The following GRM3 variants were observed in gnomAD, a reference collection of about 807,000 sequenced individuals.
GRM3 encodes metabotropic glutamate receptor 3.
In GRM3, 26 loss-of-function variants were observed where a neutral mutation model predicts 70.5. The observed-to-expected ratio is 0.37, with a 90% confidence interval of 0.27 to 0.51. GRM3 has a LOEUF of 0.51. Ranked by LOEUF, GRM3 falls within the 20% of genes least tolerant of loss-of-function variation. GRM3 has a pLI of 0.93. For missense variants in GRM3, 859 were observed against 1,123.8 expected (o/e 0.76, Z 3.37); for synonymous variants, 443 against 434.9 (o/e 1.02, Z -0.23).
At chr7:86,823,926 A>C (rs943286241) in intron 3 of GRM3, among the ~76,000 whole-genome samples, 8 of 152,148 alleles carry the variant, frequency 5.3e-5, no homozygotes, top group African/African-American at 1.9e-4. Context: ...CTTATGTATG[A>C]GCAGTGAATG....
intron 1 of GRM3, among the ~76,000 whole-genome samples, chr7:86,655,654 T>TA (rs1378790050): frequency 2.0e-5 from 3 of 152,108 alleles, no homozygotes; most frequent in Non-Finnish European, 4.4e-5. Flanking sequence ...AAAGTAAGCT[T>TA]AAAAGTCTTA....
In GRM3 at chr7:86,644,884, A is replaced by G. The variant is rs1337045037; in HGVS notation, c.-141+12A>G. The G allele has an allele frequency of 2.4e-6, 3 of 1,272,262 alleles. No homozygotes were observed. Among genetic ancestry groups the G allele is most frequent in the South Asian group, 2.5e-5 (2 of 80,632 alleles). The allele number at this position is 1,272,262 out of a possible 1,614,324, so 78.8% of individuals were successfully genotyped here. A position where few individuals can be genotyped will look rare whatever the true frequency, so the allele number is the denominator to read the frequency against. Reference sequence around the variant, plus strand: ...GTTGTCGGTGCGAGGTAAGGGTCCCAGAGGAGGACGTGTCCCTCTGGAGGG... The same window carrying G: ...GTTGTCGGTGCGAGGTAAGGGTCCCGGAGGAGGACGTGTCCCTCTGGAGGG... On this transcript the variant is annotated intron_variant, in intron 1 of 5. Transcript: ENST00000361669.
intron 3 of GRM3, among the ~76,000 whole-genome samples, chr7:86,810,330 AC>A (rs1463666615): frequency 1.3e-5 from 2 of 152,008 alleles, no homozygotes; most frequent in Non-Finnish European, 1.5e-5. Flanking sequence ...GCAAGCACAA[AC>A]TTTTTAAGAA....
chr7:86,851,499 T>C (rs1180749616), intron 5 of GRM3, among the ~76,000 whole-genome samples: 1 of 152,104 alleles, frequency 6.6e-6, no homozygotes, highest in Non-Finnish European at 1.5e-5. Context: ...ACTGGAACCA[T>C]GAGAGGGGAA....
At chr7:86,645,431 C>T (rs1032162561) in intron 1 of GRM3, among the ~76,000 whole-genome samples, 10 of 152,154 alleles carry the variant, frequency 6.6e-5, no homozygotes, top group Admixed American at 3.9e-4. Flanking sequence ...GCCCTTTGCT[C>T]CTTTTGGCTT....
chr7:86,687,678 C>G (rs1222591834), intron 1 of GRM3, among the ~76,000 whole-genome samples: 4 of 151,622 alleles, frequency 2.6e-5, no homozygotes, highest in Non-Finnish European at 5.9e-5. Context: ...CTTTAGGAAA[C>G]AGTGGAAAAG....
chr7:86,685,862 A>G (rs1562825286), intron 1 of GRM3, among the ~76,000 whole-genome samples: 1 of 147,296 alleles, frequency 6.8e-6, no homozygotes, highest in African/African-American at 2.5e-5. Context: ...CCGAGATCGC[A>G]CCACTGCACT....
intron 3 of GRM3, 143 bp from the exon 4 acceptor site, chr7:86,838,696 C>T (rs760084274): frequency 3.4e-5 from 21 of 609,002 alleles, no homozygotes; most frequent in Non-Finnish European, 6.0e-5. Context: ...TGAAGTGTAA[C>T]TTTCAATGGT....
intron 1 of GRM3, among the ~76,000 whole-genome samples, chr7:86,652,346 T>A (rs1036262968): frequency 1.3e-5 from 2 of 152,202 alleles, no homozygotes; most frequent in Non-Finnish European, 2.9e-5. Context: ...TTGTTCTTTT[T>A]TTGAGATGGA....
intron 1 of GRM3, among the ~76,000 whole-genome samples, chr7:86,702,321 T>G (rs1794962613): frequency 6.6e-6 from 1 of 152,050 alleles, no homozygotes; most frequent in Non-Finnish European, 1.5e-5. Flanking sequence ...GGCTGGTTAG[T>G]CCTGCATCTC....
At chr7:86,718,193 A>G (rs1189043664) in intron 1 of GRM3, among the ~76,000 whole-genome samples, 1 of 152,002 alleles carries the variant, frequency 6.6e-6, no homozygotes, top group Non-Finnish European at 1.5e-5. Context: ...TGACCTTAAG[A>G]TATTATTTCA....
chr7:86,723,297 T>C (rs1795517116), intron 1 of GRM3, among the ~76,000 whole-genome samples: 1 of 152,052 alleles, frequency 6.6e-6, no homozygotes, highest in Non-Finnish European at 1.5e-5. Context: ...ATGACACCTG[T>C]GAGAAAAGGT....
intron 3 of GRM3, among the ~76,000 whole-genome samples, chr7:86,794,283 G>A (rs1177412159): frequency 6.6e-6 from 1 of 152,046 alleles, no homozygotes; most frequent in Non-Finnish European, 1.5e-5. Context: ...ACACTGAGAA[G>A]CCAACATACA....
At chr7:86,687,524 A>T (rs1423253615) in intron 1 of GRM3, among the ~76,000 whole-genome samples, 1 of 151,942 alleles carries the variant, frequency 6.6e-6, no homozygotes, top group African/African-American at 2.4e-5. Flanking sequence ...ACAAGTAAAA[A>T]TATTTCTCAG....
chr7:86,773,914 G>A (rs559080185), intron 2 of GRM3, among the ~76,000 whole-genome samples: 13 of 152,120 alleles, frequency 8.5e-5, no homozygotes, highest in African/African-American at 1.7e-4. Flanking sequence ...AGAAGTTGCC[G>A]TCAGGACCAC....
At chr7:86,716,030 T>C (rs1795306204) in intron 1 of GRM3, among the ~76,000 whole-genome samples, 1 of 151,986 alleles carries the variant, frequency 6.6e-6, no homozygotes, top group African/African-American at 2.4e-5. Flanking sequence ...CTTTTCATCC[T>C]CAAAGCTCTG....
At chr7:86,780,123 T>C (rs188571968) in intron 2 of GRM3, among the ~76,000 whole-genome samples, 20 of 152,304 alleles carry the variant, frequency 1.3e-4, no homozygotes, top group African/African-American at 4.6e-4. Flanking sequence ...CAGTCTATCA[T>C]TGTTGGACAT....
In GRM3 at chr7:86,650,777, G is replaced by C. The variant is rs570653560; in HGVS notation, c.-141+5905G>C. Among the ~76,000 whole-genome samples, 5 of 152,302 alleles carry C rather than the reference G, an allele frequency of 3.3e-5. No homozygotes were observed. The South Asian group carries it at 8.3e-4, about 25-fold the overall frequency. On this transcript the variant is annotated intron_variant, in intron 1 of 5. Coordinates refer to ENST00000361669, the MANE Select transcript of GRM3 (RefSeq NM_000840.3). Reference sequence around the variant, plus strand: ...AGAATATAGTCTCACAAAAAGCCAGGATAGAGGTGAGTAGGATTTCTGCTG... The same window carrying C: ...AGAATATAGTCTCACAAAAAGCCAGCATAGAGGTGAGTAGGATTTCTGCTG...
intron 1 of GRM3, among the ~76,000 whole-genome samples, chr7:86,704,527 AAC>A (rs989714681): frequency 3.3e-5 from 5 of 152,022 alleles, no homozygotes; most frequent in Admixed American, 3.3e-4. Flanking sequence ...ACTGTTCACA[AAC>A]ACACCACAGA....
Sources: gnomAD v4.1 joint callset for allele counts (sites outside exome capture counted in the v4.1 genomes callset) on GRCh38, gnomAD v4.1.1 for gene constraint, MANE v1.5 for transcripts, NCBI Gene and HGNC (gene_info 2026-07-23, HGNC 2026-07-21) for gene names.